PIAS2: variants seen among roughly 807,000 people sequenced by gnomAD.
PIAS2 encodes E3 SUMO-protein ligase PIAS2.
PIAS2 carries 19 observed loss-of-function variants against 69.7 expected under a neutral mutation model. That is an observed-to-expected ratio of 0.27 (90% CI 0.19 to 0.40). PIAS2 has a LOEUF of 0.40. PIAS2 is among the 10% of genes least tolerant of loss of function. PIAS2 has a pLI of 1.00. For synonymous variants in PIAS2, 261 were observed against 263.2 expected, an observed-to-expected ratio of 0.99 and a Z score of 0.08; for missense variants, 624 against 757.0, an observed-to-expected ratio of 0.82 and a Z score of 2.06.
At chr18:46,855,530 T>C (rs765573589) in intron 4 of PIAS2, 35 bp downstream of exon 4, 21 of 1,594,430 alleles carry the variant, frequency 1.3e-5, no homozygotes, top group Non-Finnish European at 1.7e-5. Context: ...AGTAAGCAAG[T>C]ATAAAACTAA....
chr18:46,814,710 T>G (rs954729863), intron 13 of PIAS2, among the ~76,000 whole-genome samples: 4 of 152,206 alleles, frequency 2.6e-5, no homozygotes, highest in Non-Finnish European at 4.4e-5. Flanking sequence ...ACTTTTCTCA[T>G]GCCTTCTCCT....
rs1382898915 is a variant in PIAS2 at position 46,807,580 on chromosome 18, G to A, written c.*4853C>T. 6.6e-6 allele frequency: 1 copy of A among 150,726 alleles called. No homozygotes were observed. The highest frequency in any genetic ancestry group is 2.5e-5 in the African/African-American group (1 of 40,802). The allele number at this position is 150,726 out of a possible 1,614,324, so 9.3% of individuals were successfully genotyped here. On this transcript the variant is annotated 3_prime_UTR_variant, in exon 14 of 14. Transcript: ENST00000585916. ...CTAATTTATGTTTTTGCTAGAGATG[G>A]GGTTTCACCATGTTCCATGTTAGCC...
chr18:46,860,005 T>C (rs551466761), intron 3 of PIAS2, among the ~76,000 whole-genome samples: 2 of 152,306 alleles, frequency 1.3e-5, no homozygotes, highest in Admixed American at 6.5e-5. Context: ...CTGAATCCAA[T>C]GTTCAATCTT....
chr18:46,839,731 G>T (rs1006710056), intron 8 of PIAS2, among the ~76,000 whole-genome samples: 2 of 151,930 alleles, frequency 1.3e-5, no homozygotes, highest in African/African-American at 4.8e-5. Flanking sequence ...TGGGTGTGGT[G>T]GTGGGCACCT....
intron 11 of PIAS2, among the ~76,000 whole-genome samples, chr18:46,825,100 C>T (rs574605011): frequency 1.3e-5 from 2 of 151,998 alleles, no homozygotes; most frequent in Admixed American, 6.6e-5. Flanking sequence ...TTCTCATTTG[C>T]TTACTATCTT....
At position 46,891,263 on chromosome 18, in the gene PIAS2, T is replaced by C; in HGVS notation, c.25-209A>G. On this transcript the variant is annotated intron_variant, in intron 1 of 13. Transcript: ENST00000585916. ...AAGTTACGGTGTTAATTATATTTTG[T>C]TGTACAAGATCTTAATTTTGGTAAT... is the stretch of plus-strand genomic sequence containing the variant. The C allele has an allele frequency of 4.5e-6, 3 of 668,348 alleles. No homozygotes were observed. The South Asian group carries it at 4.8e-5, about 11-fold the overall frequency. 41.4% of individuals were successfully genotyped at this position (668,348 alleles called of 1,614,324 possible).
intron 2 of PIAS2, among the ~76,000 whole-genome samples, chr18:46,871,222 A>G (rs1402531889): frequency 6.6e-6 from 1 of 152,210 alleles, no homozygotes; most frequent in Non-Finnish European, 1.5e-5. Flanking sequence ...ATATGTGAGA[A>G]GAGATGAAGA....
intron 1 of PIAS2, among the ~76,000 whole-genome samples, chr18:46,895,113 A>G (rs550213543): frequency 5.3e-5 from 8 of 151,942 alleles, no homozygotes; most frequent in East Asian, 1.9e-4. Flanking sequence ...ACAGGTATAC[A>G]TGACAGTTAC....
intron 1 of PIAS2, chr18:46,914,926 A>G (rs1022534149): frequency 2.0e-5 from 3 of 152,122 alleles, no homozygotes; most frequent in Non-Finnish European, 4.4e-5. Flanking sequence ...TGAGAATCCA[A>G]GATTATTTCT....
rs776591371 is a variant in PIAS2 at position 46,821,039 on chromosome 18, C to T, written c.1542G>A (p.Val514=). The change falls in exon 12 of 14, where the codon GTG becomes GTA. Residue 514 remains valine, a synonymous_variant. Coordinates refer to ENST00000585916, the MANE Select transcript of PIAS2 (RefSeq NM_004671.5). ...VLMYQPSSVR[V]PSVTSVDPAA... ...CAGGATCAACCGAAGTCACACTGGG[C>T]ACCCTTACAGAAGATGGCTGATACA... 5 of 1,613,528 alleles carry T rather than the reference C, an allele frequency of 3.1e-6. No homozygotes were observed. The highest frequency in any genetic ancestry group is 1.1e-5 in the South Asian group (1 of 91,050).
rs550074960 is a variant in PIAS2 at position 46,806,958 on chromosome 18, G to A, written c.*5475C>T. On this transcript the variant is annotated 3_prime_UTR_variant, in exon 14 of 14. Coordinates refer to ENST00000585916, the MANE Select transcript of PIAS2 (RefSeq NM_004671.5). ...AGAAAATGTTGTACCTCAAACATCTGAAGGTAGCAATCTGTTTTTTTCTTT... is the reference window on the plus strand; with the variant it reads ...AGAAAATGTTGTACCTCAAACATCTAAAGGTAGCAATCTGTTTTTTTCTTT... 6.6e-6 allele frequency: 1 copy of A among 152,256 alleles called. No homozygotes were observed. Among genetic ancestry groups the A allele is most frequent in the Non-Finnish European group, 1.5e-5 (1 of 68,016 alleles). The allele number at this position is 152,256 out of a possible 1,614,324, so 9.4% of individuals were successfully genotyped here. A position where few individuals can be genotyped will look rare whatever the true frequency, so the allele number is the denominator to read the frequency against.
At chr18:46,880,551 C>G (rs2052060805) in intron 2 of PIAS2, among the ~76,000 whole-genome samples, 1 of 152,144 alleles carries the variant, frequency 6.6e-6, no homozygotes, top group Non-Finnish European at 1.5e-5. Flanking sequence ...CTGTGAATAA[C>G]CACTGCACTC....
At chr18:46,839,472 A>C (rs2044975295) in intron 8 of PIAS2, among the ~76,000 whole-genome samples, 1 of 152,162 alleles carries the variant, frequency 6.6e-6, no homozygotes, top group Non-Finnish European at 1.5e-5. Flanking sequence ...ATAAGTACCT[A>C]TTTGTCAATT....
At chr18:46,873,534 T>A (rs187467275) in intron 2 of PIAS2, among the ~76,000 whole-genome samples, 7 of 152,290 alleles carry the variant, frequency 4.6e-5, no homozygotes, top group African/African-American at 1.7e-4. Context: ...GGCCCAAACA[T>A]GTTAATGCAT....
At chr18:46,823,073 C>CA (rs34457697) in intron 11 of PIAS2, among the ~76,000 whole-genome samples, 56,162 of 119,474 alleles carry the variant, frequency 0.47, 11,722 homozygotes, top group Middle Eastern at 0.52. Flanking sequence ...CTTGTATCTA[C>CA]AAAAAAAAAA....
chr18:46,854,388 G>A (rs2047426389), intron 5 of PIAS2, among the ~76,000 whole-genome samples: 1 of 152,178 alleles, frequency 6.6e-6, no homozygotes, highest in African/African-American at 2.4e-5. Context: ...GGCCTAGTCA[G>A]GGAGTCACTG....
chr18:46,914,091 C>G (rs79706612), intron 1 of PIAS2, among the ~76,000 whole-genome samples: 3,938 of 152,340 alleles, frequency 0.026, 67 homozygotes, highest in Non-Finnish European at 0.039. Flanking sequence ...AAACTAATCA[C>G]TCCTTCAGCT....
upstream of PIAS2, chr18:46,919,921 C>A: frequency 2.2e-6 from 1 of 451,206 alleles, no homozygotes; most frequent in Non-Finnish European, 4.2e-6. Context: ...AAGTGAATGC[C>A]ACTGTGGGAG....
At chr18:46,847,066 T>C (rs1461480485) in intron 5 of PIAS2, among the ~76,000 whole-genome samples, 2 of 152,196 alleles carry the variant, frequency 1.3e-5, no homozygotes, top group Non-Finnish European at 1.5e-5. Flanking sequence ...AAAAAATCCA[T>C]GTTCCAACAT....
Sources: allele counts gnomAD v4.1 joint callset (sites outside exome capture counted in the v4.1 genomes callset), GRCh38; gene constraint gnomAD v4.1.1; transcripts MANE v1.5; gene names NCBI Gene and HGNC (gene_info 2026-07-23, HGNC 2026-07-21).